Variants in VPS39 observed in about 807,000 individuals in gnomAD.
The protein encoded by VPS39 is VPS39 subunit of HOPS complex.
A neutral mutation model predicts 121.0 loss-of-function variants in VPS39; 70 were observed. That is an observed-to-expected ratio of 0.58 (90% CI 0.48 to 0.71). VPS39 has a LOEUF of 0.71. Among genes scored for constraint, VPS39 ranks in the 30% least tolerant of loss-of-function variants. The pLI is 0.00. For missense variants in VPS39, 818 were observed against 1,051.5 expected (o/e 0.78, Z 3.07); for synonymous variants, 378 against 398.1 (o/e 0.95, Z 0.60).
At chr15:42,191,288 AT>A in intron 3 of VPS39, 121 bp from the exon 4 acceptor site, 2 of 1,262,264 alleles carry the variant, frequency 1.6e-6, no homozygotes, top group Non-Finnish European at 2.2e-6. Context: ...GATCTCACTG[AT>A]TTTTCTGGGC....
intron 10 of VPS39, among the ~76,000 whole-genome samples, chr15:42,175,526 T>C (rs1284206383): frequency 6.6e-6 from 1 of 152,154 alleles, no homozygotes; most frequent in Non-Finnish European, 1.5e-5. Context: ...GAGCTTTGCT[T>C]CTTCCTCATA....
At position 42,191,164 on chromosome 15, in the gene VPS39, G is replaced by A; in HGVS notation, c.208C>T (p.His70Tyr). The A allele has an allele frequency of 6.2e-7, 1 of 1,614,068 alleles. No individual in the cohort carries two copies. The highest frequency in any genetic ancestry group is 8.5e-7 in the Non-Finnish European group (1 of 1,179,968). ...AGAATCTTAAACTGGGAAACCACAT[G>A]GATCTGGAAAATAGGAAATCATGAG... ...KNFSKKIQQIHVVSQFKILVS... is the reference protein window; with the variant it reads ...KNFSKKIQQIYVVSQFKILVS... The change falls in exon 4 of 25, where the codon CAT becomes TAT. Residue 70 changes from histidine to tyrosine, a missense_variant. By Grantham distance (83) the His-to-Tyr change is moderately conservative. Transcript: ENST00000318006.
At chr15:42,194,385 A>C (rs1054119867) in intron 2 of VPS39, among the ~76,000 whole-genome samples, 1 of 152,092 alleles carries the variant, frequency 6.6e-6, no homozygotes, top group African/African-American at 2.4e-5. Context: ...GAGGCATGAG[A>C]ATTGCTTGAA....
Position 42,208,132 on chromosome 15 carries a change from C to A in VPS39, c.22G>T (p.Val8Leu), listed in dbSNP as rs1379356360. ...AGAGGCAGCTTTTCTAGGATCGGCA[C>A]TGGCTCGAAAGCGTCGTGCATGGCG... MHDAFEP[V>L]PILEKLPLQI... is the part of the protein sequence containing the mutation. Residue 8 changes from valine to leucine, a missense_variant, in exon 1 of 25, where the codon GTG (valine) becomes TTG (leucine). Val to Leu is a conservative substitution (Grantham distance 32, BLOSUM62 1). Transcript: ENST00000318006. 2 of 1,582,588 alleles carry A rather than the reference C, an allele frequency of 1.3e-6. No homozygotes were observed. Among genetic ancestry groups the A allele is most frequent in the South Asian group, 2.3e-5 (2 of 86,610 alleles).
rs763153963 is a variant in VPS39, at chr15:42,161,719, TCTC to T, written c.2512_2514del (p.Glu838del). 1.2e-6 allele frequency: 2 copies of T among 1,614,072 alleles called. No homozygotes were observed. Among genetic ancestry groups the T allele is most frequent in the Non-Finnish European group, 1.7e-6 (2 of 1,180,004 alleles). On this transcript the variant is annotated inframe_deletion, in exon 24 of 25. Transcript: ENST00000318006. ...TTCTTCTTACACACCATGCACACCT[TCTC>T]CTCTGTGATGATGCACTTCACCTGC...
At chr15:42,191,231 T>G in intron 3 of VPS39, 64 bp from the exon 4 acceptor site, 1 of 1,578,878 alleles carries the variant, frequency 6.3e-7, no homozygotes, top group Non-Finnish European at 8.7e-7. Context: ...AAATGTTCAT[T>G]CAATAACAGT....
intron 5 of VPS39, 63 bp from the exon 6 acceptor site, chr15:42,187,919 A>T (rs1434178175): frequency 1.4e-6 from 2 of 1,474,622 alleles, no homozygotes; most frequent in African/African-American, 2.8e-5. Flanking sequence ...GTGATAACTA[A>T]ATTAGAGATT....
chr15:42,178,695 G>A (rs1448773344), intron 8 of VPS39, 125 bp from the exon 9 acceptor site: 5 of 1,367,858 alleles, frequency 3.7e-6, no homozygotes, highest in Non-Finnish European at 4.0e-6. Context: ...CAAATATCAA[G>A]CCAGGATCTT....
At chr15:42,182,443 T>A (rs2049599592) in intron 8 of VPS39, among the ~76,000 whole-genome samples, 1 of 152,252 alleles carries the variant, frequency 6.6e-6, no homozygotes, top group African/African-American at 2.4e-5. Context: ...GATCTCTTTA[T>A]ATCTCCAAAA....
At chr15:42,171,005 G>A (rs1366686755) in intron 11 of VPS39, among the ~76,000 whole-genome samples, 1 of 152,038 alleles carries the variant, frequency 6.6e-6, no homozygotes, top group Admixed American at 6.6e-5. Flanking sequence ...AAAATGCTGG[G>A]ATTATAGGCA....
chr15:42,184,266 A>G (rs968673632), intron 8 of VPS39: 2 of 316,006 alleles, frequency 6.3e-6, no homozygotes, highest in Non-Finnish European at 1.1e-5. Flanking sequence ...ATAGCAGTAG[A>G]TAATCACTTC....
At chr15:42,186,946 C>T (rs900780834) in intron 7 of VPS39, among the ~76,000 whole-genome samples, 3 of 152,158 alleles carry the variant, frequency 2.0e-5, no homozygotes, top group Non-Finnish European at 4.4e-5. Context: ...GTTTAAAATT[C>T]CTAAGCACTG....
At chr15:42,170,070 CA>C (rs1255438865) in intron 11 of VPS39, among the ~76,000 whole-genome samples, 2 of 151,528 alleles carry the variant, frequency 1.3e-5, no homozygotes, top group African/African-American at 4.8e-5. Context: ...TAAAACATCA[CA>C]AAAATGCCTG....
chr15:42,170,083 C>A (rs1482641408), intron 11 of VPS39, among the ~76,000 whole-genome samples: 2 of 151,946 alleles, frequency 1.3e-5, no homozygotes, highest in African/African-American at 4.8e-5. Context: ...AAATGCCTGA[C>A]TATATTCAAA....
chr15:42,180,417 G>A (rs1353463583), intron 8 of VPS39, among the ~76,000 whole-genome samples: 1 of 151,890 alleles, frequency 6.6e-6, no homozygotes, highest in African/African-American at 2.4e-5. Flanking sequence ...ATATTTTTCT[G>A]TACTTTTTGA....
At chr15:42,178,911 G>A (rs747543117) in intron 8 of VPS39, 2 of 208,188 alleles carry the variant, frequency 9.6e-6, no homozygotes, top group Non-Finnish European at 2.0e-5. Context: ...GGAGGCTGAG[G>A]TGGGAAGATC....
Position 42,187,854 on chromosome 15 carries a change from G to A in VPS39, c.345C>T (p.His115=). The A allele has an allele frequency of 6.2e-7, 1 of 1,613,982 alleles. No individual in the cohort carries two copies. Among genetic ancestry groups the A allele is most frequent in the Admixed American group, 1.7e-5 (1 of 60,014 alleles). ...GASLFTCDLQ[H]TETGEEVLRM... Reference sequence around the variant, plus strand: ...GTAACACCTCCTCACCGGTCTCTGTGTGCTGGGAGGAGACATGCAGAGCAA... The same window carrying A: ...GTAACACCTCCTCACCGGTCTCTGTATGCTGGGAGGAGACATGCAGAGCAA... Residue 115 remains histidine (H), a splice_region_variant and synonymous_variant, in exon 6 of 25, where the codon CAC becomes CAT. Transcript: ENST00000318006.
chr15:42,177,396 T>C (rs973468265), intron 10 of VPS39, among the ~76,000 whole-genome samples: 1 of 152,032 alleles, frequency 6.6e-6, no homozygotes, highest in Non-Finnish European at 1.5e-5. Context: ...GTGAACAAGA[T>C]CCCTTGCAAA....
intron 8 of VPS39, among the ~76,000 whole-genome samples, chr15:42,183,948 T>A (rs145527177): frequency 6.6e-6 from 1 of 150,784 alleles, no homozygotes; most frequent in South Asian, 2.1e-4. Context: ...GCAATTCCAT[T>A]GTGGAGAGCT....
Sources: allele counts gnomAD v4.1 joint callset (sites outside exome capture counted in the v4.1 genomes callset), GRCh38; gene constraint gnomAD v4.1.1; transcripts MANE v1.5; gene names NCBI Gene and HGNC (gene_info 2026-07-23, HGNC 2026-07-21).